Variants in HK2 observed in about 807,000 individuals in gnomAD.
HK2 encodes the protein hexokinase 2, also known as hexokinase-2.
Under a neutral mutation model 92.9 loss-of-function variants are expected in HK2, and 42 were observed. The ratio of observed to expected loss-of-function variants is 0.45; its 90% CI spans 0.35 to 0.58. The LOEUF (loss-of-function observed/expected upper bound fraction) is 0.58. HK2 is among the 20% of genes least tolerant of loss of function. The pLI is 0.00. For missense variants in HK2, 978 were observed against 1,245.1 expected (o/e 0.79, Z 3.23); for synonymous variants, 422 against 468.0 (o/e 0.90, Z 1.27).
chr2:74,874,508 C>A, intron 7 of HK2, 59 bp downstream of exon 7: 2 of 1,498,718 alleles, frequency 1.3e-6, no homozygotes, highest in South Asian at 1.2e-5. Context: ...GAGTCTGGGG[C>A]TGGTCGGGGC....
chr2:74,871,150 C>G (rs997885475), intron 3 of HK2, among the ~76,000 whole-genome samples: 1 of 152,178 alleles, frequency 6.6e-6, no homozygotes, highest in Non-Finnish European at 1.5e-5. Flanking sequence ...GGGCCCCACC[C>G]CCAGAGTTTC....
chr2:74,883,300 T>A (rs950165940), intron 12 of HK2, among the ~76,000 whole-genome samples: 1 of 152,164 alleles, frequency 6.6e-6, no homozygotes, highest in Non-Finnish European at 1.5e-5. Context: ...CTGTTTGGAA[T>A]GTGGCCCTCG....
chr2:74,847,356 AG>A (rs1327065815), intron 1 of HK2, among the ~76,000 whole-genome samples: 2 of 152,262 alleles, frequency 1.3e-5, no homozygotes, highest in East Asian at 3.9e-4. Context: ...CTAGAACGAG[AG>A]TCATCAAACT....
chr2:74,868,945 C>T (rs998000686), intron 3 of HK2, among the ~76,000 whole-genome samples: 1 of 152,090 alleles, frequency 6.6e-6, no homozygotes, highest in Non-Finnish European at 1.5e-5. Context: ...TAGAGCCTGG[C>T]AAGGACAATG....
Position 74,890,983 on chromosome 2 carries a change from TC to T in HK2, c.*45del, listed in dbSNP as rs1286575436. ...AGGGACTTCCTCTTTCTCTCCTTCT[TC>T]CCTGTTTTAAATTATAAGATGTCAT... On this transcript the variant is annotated 3_prime_UTR_variant, in exon 18 of 18. Transcript: ENST00000290573. 1.2e-6 allele frequency: 2 copies of T among 1,608,002 alleles called. No homozygotes were observed. The highest frequency in any genetic ancestry group is 2.7e-5 in the African/African-American group (2 of 74,848).
chr2:74,841,167 T>A (rs1244907611), intron 1 of HK2, among the ~76,000 whole-genome samples: 2 of 152,176 alleles, frequency 1.3e-5, no homozygotes, highest in African/African-American at 4.8e-5. Flanking sequence ...CTTTTTAAAA[T>A]TCTTCATTTA....
chr2:74,885,275 T>C (rs1204051359), intron 12 of HK2, among the ~76,000 whole-genome samples: 2 of 152,222 alleles, frequency 1.3e-5, no homozygotes, highest in Admixed American at 6.5e-5. Context: ...AATAATGTAA[T>C]GCATGATCTA....
chr2:74,873,791 A>G, intron 5 of HK2, 53 bp from the exon 6 acceptor site: 1 of 1,217,368 alleles, frequency 8.2e-7, no homozygotes, highest in South Asian at 1.2e-5. Flanking sequence ...TGGTGTTAGG[A>G]AAGTCGCCCT....
chr2:74,855,238 G>T (rs755545134), intron 2 of HK2, among the ~76,000 whole-genome samples: 1 of 152,124 alleles, frequency 6.6e-6, no homozygotes, highest in East Asian at 1.9e-4. Flanking sequence ...CAGGTGATCC[G>T]CCCGCTTCAG....
rs2103810044 is a variant in HK2, at chr2:74,834,932, T to G, written c.63+289T>G. 6.6e-6 allele frequency among the ~76,000 whole-genome samples: 1 copy of G among 152,232 alleles called. No individual in the cohort carries two copies. Among genetic ancestry groups the G allele is most frequent in the East Asian group, 1.9e-4 (1 of 5,150 alleles). On this transcript the variant is annotated intron_variant, in intron 1 of 17. Transcript: ENST00000290573. This position sits in a 1 kb window ranked among gnomAD's most constrained non-coding sequence, Gnocchi z 4.2. The stretch of plus-strand genomic sequence containing the variant: ...CCCCCAGTCCCTTTTTCCCTGTTAC[T>G]GGAGGGGCGGGTCACCCCGCAGGTA...
At chr2:74,864,768 A>T (rs1318862511) in intron 2 of HK2, among the ~76,000 whole-genome samples, 1 of 152,180 alleles carries the variant, frequency 6.6e-6, no homozygotes, top group East Asian at 1.9e-4. Context: ...TGGCCTCCCA[A>T]AGTGCTGGGA....
intron 13 of HK2, among the ~76,000 whole-genome samples, 182 bp downstream of exon 13, chr2:74,885,771 T>A (rs1034822948): frequency 1.3e-5 from 2 of 151,432 alleles, no homozygotes; most frequent in Non-Finnish European, 2.9e-5. Flanking sequence ...GCACTGGCGG[T>A]TCAGGAGTGA....
intron 3 of HK2, among the ~76,000 whole-genome samples, chr2:74,869,918 A>G (rs1689054721): frequency 6.6e-6 from 1 of 152,024 alleles, no homozygotes. Flanking sequence ...TATGATAGGC[A>G]CTGACCCTGT....
intron 1 of HK2, among the ~76,000 whole-genome samples, chr2:74,842,596 C>G (rs1470447465): frequency 6.6e-6 from 1 of 152,150 alleles, no homozygotes; most frequent in Non-Finnish European, 1.5e-5. Flanking sequence ...GGTTTCAGGT[C>G]CATTTGTGTC....
In HK2 at chr2:74,886,479, G is replaced by A. The variant is rs1344311092; in HGVS notation, c.2036-11G>A. On this transcript the variant is annotated splice_polypyrimidine_tract_variant and intron_variant, in intron 14 of 17. Transcript: ENST00000290573. ...GTGCTGAGTGAGGCCCTGGTATCCTGTGATTGGCAGGCACGGGCAGCAATG... is the reference window on the plus strand; with the variant it reads ...GTGCTGAGTGAGGCCCTGGTATCCTATGATTGGCAGGCACGGGCAGCAATG... 6.2e-7 allele frequency: 1 copy of A among 1,614,094 alleles called. No individual in the cohort carries two copies. Among genetic ancestry groups the A allele is most frequent in the Admixed American group, 1.7e-5 (1 of 60,010 alleles).
chr2:74,865,978 A>T (rs1414813702), intron 2 of HK2, among the ~76,000 whole-genome samples: 2 of 152,156 alleles, frequency 1.3e-5, no homozygotes, highest in Non-Finnish European at 2.9e-5. Context: ...GAAGCAGCTG[A>T]GGCTCAGAGG....
At chr2:74,848,129 T>C (rs989596512) in intron 1 of HK2, among the ~76,000 whole-genome samples, 1 of 152,200 alleles carries the variant, frequency 6.6e-6, no homozygotes, top group Non-Finnish European at 1.5e-5. Context: ...TCTGCTAAGG[T>C]GGCTGAGCTC....
Position 74,888,021 on chromosome 2 carries a change from G to A in HK2, c.2338G>A (p.Gly780Ser), listed in dbSNP as rs138212021. The A allele has an allele frequency of 8.7e-6, 14 of 1,614,090 alleles. No homozygotes were observed. Among genetic ancestry groups the A allele is most frequent in the Non-Finnish European group, 2.5e-6 (3 of 1,180,038 alleles). The change falls in exon 16 of 18, where the codon GGC (glycine) becomes AGC (serine). Residue 780 changes from glycine to serine, a missense_variant. By Grantham distance (56) the Gly-to-Ser change is moderately conservative. Coordinates refer to ENST00000290573, the MANE Select transcript of HK2 (RefSeq NM_000189.5). ...CATCTCAGAGCGGCTCAAGACAAGG[G>A]GCATCTTTGAAACCAAGTTCTTGTC... is the stretch of plus-strand genomic sequence containing the variant. ...GRISERLKTR[G>S]IFETKFLSQI...
At chr2:74,842,618 T>G (rs545685746) in intron 1 of HK2, among the ~76,000 whole-genome samples, 3 of 152,278 alleles carry the variant, frequency 2.0e-5, no homozygotes, top group African/African-American at 7.2e-5. Flanking sequence ...CTGTGTGACG[T>G]TGGATTGAAT....
Sources: allele counts gnomAD v4.1 joint callset (sites outside exome capture counted in the v4.1 genomes callset), GRCh38; gene constraint gnomAD v4.1.1; non-coding constraint Gnocchi (gnomAD v3.1); transcripts MANE v1.5; gene names NCBI Gene and HGNC (gene_info 2026-07-23, HGNC 2026-07-21).